EHBP1: variants seen among roughly 807,000 people sequenced by gnomAD.
EHBP1 encodes EH domain binding protein 1, also known as EH domain-binding protein 1.
In EHBP1, 55 loss-of-function variants were observed where a neutral mutation model predicts 144.0. The ratio of observed to expected loss-of-function variants is 0.38; its 90% CI spans 0.31 to 0.48. EHBP1 has a LOEUF of 0.48. Among genes scored for constraint, EHBP1 ranks in the 20% least tolerant of loss-of-function variants. The pLI is 0.98. For missense variants in EHBP1, 1,200 were observed against 1,364.2 expected, an observed-to-expected ratio of 0.88 and a Z score of 1.90; for synonymous variants, 469 against 472.7, an observed-to-expected ratio of 0.99 and a Z score of 0.10.
chr2:62,952,270 T>C (rs2057431681), intron 13 of EHBP1, among the ~76,000 whole-genome samples: 1 of 152,218 alleles, frequency 6.6e-6, no homozygotes. Flanking sequence ...TTTGGTAGGC[T>C]TTTAAAATTG....
chr2:62,999,256 AAAT>A (rs1321452094), intron 19 of EHBP1, among the ~76,000 whole-genome samples: 1 of 152,166 alleles, frequency 6.6e-6, no homozygotes, highest in Non-Finnish European at 1.5e-5. Flanking sequence ...TTTACAGAAC[AAAT>A]ATACTTTATC....
chr2:62,953,586 T>C (rs955656889), intron 13 of EHBP1, among the ~76,000 whole-genome samples: 4 of 151,578 alleles, frequency 2.6e-5, no homozygotes, highest in African/African-American at 7.3e-5. Flanking sequence ...ATAAAAAAAT[T>C]ATGTTTAAAA....
intron 19 of EHBP1, among the ~76,000 whole-genome samples, chr2:63,027,665 G>C (rs1449508543): frequency 3.9e-5 from 6 of 152,146 alleles, no homozygotes; most frequent in African/African-American, 9.7e-5. Flanking sequence ...TAGATATTTA[G>C]GAAGGTGCAT....
intron 15 of EHBP1, among the ~76,000 whole-genome samples, chr2:62,986,578 A>T (rs1268942691): frequency 6.6e-6 from 1 of 151,056 alleles, no homozygotes; most frequent in Non-Finnish European, 1.5e-5. Context: ...AGCTGGGACT[A>T]CAGGCGCACA....
intron 10 of EHBP1, among the ~76,000 whole-genome samples, chr2:62,936,304 A>G (rs544528205): frequency 2.0e-4 from 31 of 151,992 alleles, no homozygotes; most frequent in African/African-American, 7.2e-4. Context: ...TGGGTTTTCT[A>G]TTTCTTCTTG....
chr2:62,716,089 G>C (rs2035646518), intron 2 of EHBP1, among the ~76,000 whole-genome samples: 1 of 151,920 alleles, frequency 6.6e-6, no homozygotes, highest in African/African-American at 2.4e-5. Flanking sequence ...TAAATGCATG[G>C]TTTCTTTCAG....
chr2:62,921,458 A>C (rs2055072464), intron 10 of EHBP1, among the ~76,000 whole-genome samples: 1 of 152,116 alleles, frequency 6.6e-6, no homozygotes, highest in South Asian at 2.1e-4. Flanking sequence ...AAAGAAAAAA[A>C]AAAAAGTAAT....
At chr2:62,790,694 G>A (rs991778955) in intron 5 of EHBP1, among the ~76,000 whole-genome samples, 2 of 152,034 alleles carry the variant, frequency 1.3e-5, no homozygotes, top group Non-Finnish European at 2.9e-5. Flanking sequence ...AAATATTTTT[G>A]TGTAATTCTC....
chr2:62,825,393 A>G (rs1191474116), intron 5 of EHBP1, among the ~76,000 whole-genome samples: 1 of 152,074 alleles, frequency 6.6e-6, no homozygotes, highest in Non-Finnish European at 1.5e-5. Context: ...TTTGTGTTCT[A>G]TTTCTGATGA....
chr2:62,934,489 A>G (rs558729564), intron 10 of EHBP1, among the ~76,000 whole-genome samples: 11 of 152,224 alleles, frequency 7.2e-5, no homozygotes, highest in Non-Finnish European at 1.3e-4. Flanking sequence ...CGGAAAATGT[A>G]TACAATTAAT....
intron 5 of EHBP1, among the ~76,000 whole-genome samples, chr2:62,817,831 C>T (rs1389380154): frequency 6.6e-6 from 1 of 151,994 alleles, no homozygotes; most frequent in Non-Finnish European, 1.5e-5. Context: ...GGAATTTTGC[C>T]CAGATTATGA....
At chr2:62,845,916 A>G (rs1394504228) in intron 7 of EHBP1, among the ~76,000 whole-genome samples, 1 of 152,218 alleles carries the variant, frequency 6.6e-6, no homozygotes, top group East Asian at 1.9e-4. Context: ...GGAGGAAAGC[A>G]GAGAGGTAGG....
chr2:62,833,476 C>T (rs1267902180), intron 7 of EHBP1, among the ~76,000 whole-genome samples: 1 of 152,180 alleles, frequency 6.6e-6, no homozygotes, highest in Non-Finnish European at 1.5e-5. Flanking sequence ...GGCTTCAGAG[C>T]CTCTAAGCTT....
chr2:62,903,015 C>CA (rs558748121), intron 10 of EHBP1, among the ~76,000 whole-genome samples: 482 of 152,232 alleles, frequency 3.2e-3, no homozygotes, highest in Non-Finnish European at 4.9e-3. Flanking sequence ...ATTATTAGCT[C>CA]ACTTGCTAAG....
At chr2:62,724,430 G>A (rs1463120412) in intron 2 of EHBP1, among the ~76,000 whole-genome samples, 1 of 152,120 alleles carries the variant, frequency 6.6e-6, no homozygotes, top group Non-Finnish European at 1.5e-5. Context: ...CTGCGTCTCA[G>A]TGATTCTTGT....
intron 1 of EHBP1, among the ~76,000 whole-genome samples, chr2:62,684,055 G>T (rs190929500): frequency 1.3e-5 from 2 of 152,186 alleles, no homozygotes; most frequent in African/African-American, 4.8e-5. Flanking sequence ...GTGCACACAC[G>T]TTGGAGTTTA....
chr2:62,982,106 G>A (rs573794336), intron 15 of EHBP1, among the ~76,000 whole-genome samples: 19 of 152,288 alleles, frequency 1.2e-4, no homozygotes, highest in South Asian at 8.3e-4. Context: ...CTAAGCCCTA[G>A]CTATTGAGAG....
At chr2:62,870,972 C>G (rs994884825) in intron 9 of EHBP1, among the ~76,000 whole-genome samples, 13 of 151,964 alleles carry the variant, frequency 8.6e-5, no homozygotes, top group Admixed American at 3.3e-4. Context: ...GATTCTAAAC[C>G]CAAACCCAGG....
At chr2:62,904,580 T>A (rs1042531545) in intron 10 of EHBP1, among the ~76,000 whole-genome samples, 1 of 152,102 alleles carries the variant, frequency 6.6e-6, no homozygotes, top group African/African-American at 2.4e-5. Flanking sequence ...CCCTGAGGAT[T>A]ATCAAGGTCC....
Sources: allele counts gnomAD v4.1 joint callset (sites outside exome capture counted in the v4.1 genomes callset), GRCh38; gene constraint gnomAD v4.1.1; transcripts MANE v1.5; gene names NCBI Gene and HGNC (gene_info 2026-07-23, HGNC 2026-07-21).